ZKSCAN8: variants seen among roughly 807,000 people sequenced by gnomAD.
ZKSCAN8 encodes zinc finger with KRAB and SCAN domains 8, also known as zinc finger protein with KRAB and SCAN domains 8.
ZKSCAN8 carries 27 observed loss-of-function variants against 57.2 expected under a neutral mutation model. The observed-to-expected ratio is 0.47, with a 90% CI of 0.35 to 0.65. The LOEUF is 0.65. Among genes scored for constraint, ZKSCAN8 ranks in the 30% least tolerant of loss-of-function variants. ZKSCAN8 has a pLI of 0.01. For missense variants in ZKSCAN8, 597 were observed against 696.3 expected, an observed-to-expected ratio of 0.86 and a Z score of 1.60; for synonymous variants, 214 against 248.7, an observed-to-expected ratio of 0.86 and a Z score of 1.31.
intron 1 of ZKSCAN8, among the ~76,000 whole-genome samples, chr6:28,142,988 C>T (rs1035850652): frequency 4.6e-5 from 7 of 152,144 alleles, no homozygotes; most frequent in African/African-American, 1.4e-4. Context: ...AGAATACATT[C>T]CTTCCACAAC....
intron 1 of ZKSCAN8, among the ~76,000 whole-genome samples, chr6:28,145,395 T>C (rs1367963571): frequency 6.6e-6 from 1 of 152,172 alleles, no homozygotes. Context: ...AAAGTAGATA[T>C]AGCCAGCCAG....
At chr6:28,148,917 G>A in intron 2 of ZKSCAN8, 93 bp downstream of exon 2, 7 of 1,397,284 alleles carry the variant, frequency 5.0e-6, no homozygotes, top group Non-Finnish European at 6.8e-6. Flanking sequence ...CAGATGCTTA[G>A]CATCAGTTTC....
upstream of ZKSCAN8, chr6:28,141,866 G>A (rs1234141144): frequency 1.3e-5 from 2 of 152,670 alleles, no homozygotes; most frequent in African/African-American, 2.4e-5. Flanking sequence ...TTTGGGGCAA[G>A]ATGCGTGCTG....
In ZKSCAN8 at chr6:28,153,986, G is replaced by A; in HGVS notation, c.1706G>A (p.Ser569Asn). ...SSLIRHQRIHSGEKSESISV is the reference protein window; with the variant it reads ...SSLIRHQRIHNGEKSESISV ...CTCATTCGACATCAGAGAATCCACA[G>A]TGGTGAAAAATCTGAATCCATAAGC... is the stretch of plus-strand genomic sequence containing the variant. Residue 569 changes from serine (S) to asparagine (N), a missense_variant, in exon 6 of 6, where the codon AGT becomes AAT. Physicochemically the swap from Ser to Asn is conservative, Grantham distance 46 (BLOSUM62 1). Transcript: ENST00000330236. 1.2e-5 allele frequency: 20 copies of A among 1,605,560 alleles called. No homozygotes were observed. The highest frequency in any genetic ancestry group is 1.6e-5 in the Non-Finnish European group (19 of 1,176,732).
At position 28,148,969 on chromosome 6, in the gene ZKSCAN8, G is replaced by A. The variant is rs565864043; in HGVS notation, c.417+145G>A. The A allele has an allele frequency of 5.9e-4, 572 of 968,062 alleles. 3 individuals carry two copies. The African/African-American group carries it at 8.7e-3, about 15-fold the overall frequency. The allele number at this position is 968,062 out of a possible 1,614,324, so 60.0% of individuals were successfully genotyped here. On this transcript the variant is annotated intron_variant, in intron 2 of 5. Transcript: ENST00000330236. ...CAATAGTTTTAGTGTAGTATGACTT[G>A]TAGAGTTCTTTTTACTTTTGTAAAG...
chr6:28,141,702 C>A (rs1352942676), upstream of ZKSCAN8, among the ~76,000 whole-genome samples: 2 of 152,260 alleles, frequency 1.3e-5, no homozygotes, highest in Non-Finnish European at 2.9e-5. Flanking sequence ...ACGTTCACTG[C>A]CCCAGCGACA....
At position 28,157,639 on chromosome 6, in the gene ZKSCAN8, A is replaced by T. The variant is rs1362798081; in HGVS notation, c.*3622A>T. The T allele has an allele frequency of 3.3e-5, 5 of 152,162 alleles. No individual in the cohort carries two copies. The highest frequency in any genetic ancestry group is 3.3e-4 in the Admixed American group (5 of 15,270). The allele number at this position is 152,162 out of a possible 1,614,324, so 9.4% of individuals were successfully genotyped here. ...GTGCAGTAGAGTGCAAATACATTAC[A>T]ATTACTGGAAAATTGGTGGAAAATG... On this transcript the variant is annotated 3_prime_UTR_variant, in exon 6 of 6. Coordinates refer to ENST00000330236, the MANE Select transcript of ZKSCAN8 (RefSeq NM_006298.4).
chr6:28,153,036 T>G lies in ZKSCAN8; in HGVS notation c.776-20T>G, dbSNP rs200435293. On this transcript the variant is annotated intron_variant, in intron 5 of 5. Transcript: ENST00000330236. Reference sequence around the variant, plus strand: ...GTTGTGACATTGGCTTGATGTTTGTTTATTACATTTTTATTTCAGGTGGTG... The same window carrying G: ...GTTGTGACATTGGCTTGATGTTTGTGTATTACATTTTTATTTCAGGTGGTG... 930 of 1,611,208 alleles carry G rather than the reference T, an allele frequency of 5.8e-4. No individual in the cohort carries two copies. The highest frequency in any genetic ancestry group is 1.0e-3 in the Admixed American group (61 of 59,776).
At chr6:28,147,069 T>A (rs1765423210) in intron 1 of ZKSCAN8, among the ~76,000 whole-genome samples, 1 of 152,048 alleles carries the variant, frequency 6.6e-6, no homozygotes, top group African/African-American at 2.4e-5. Context: ...TGAACTTTTT[T>A]TCTTCAAAAG....
intron 3 of ZKSCAN8, among the ~76,000 whole-genome samples, chr6:28,150,302 G>A (rs956771984): frequency 1.8e-4 from 28 of 152,106 alleles, no homozygotes; most frequent in African/African-American, 6.0e-4. Context: ...TTGGATTTGC[G>A]TGATGTTTGA....
Position 28,144,185 on chromosome 6 carries a change from A to G in ZKSCAN8, c.-93+2156A>G, listed in dbSNP as rs148164325. On this transcript the variant is annotated intron_variant, in intron 1 of 5. Coordinates refer to ENST00000330236, the MANE Select transcript of ZKSCAN8 (RefSeq NM_006298.4). This position sits in a 1 kb window ranked among gnomAD's most constrained non-coding sequence, Gnocchi z 4.5. ...CCTTTCTTTTCTGTACACACTCTCT[A>G]TGTAGGATTTGTTTGTATGTTTGTT... 2.0e-5 allele frequency: 3 copies of G among 152,112 alleles called. No individual in the cohort carries two copies. The highest frequency in any genetic ancestry group is 1.9e-4 in the East Asian group (1 of 5,186). The allele number at this position is 152,112 out of a possible 1,614,324, so 9.4% of individuals were successfully genotyped here. A position where few individuals can be genotyped will look rare whatever the true frequency, so the allele number is the denominator to read the frequency against.
chr6:28,157,683 A>G lies in ZKSCAN8; in HGVS notation c.*3666A>G, dbSNP rs1422702722. Reference sequence around the variant, plus strand: ...GAAAATGCTTTTTGGGGTTACAATTATATCATTTTTAAGTGTTGATGCTTT... The same window carrying G: ...GAAAATGCTTTTTGGGGTTACAATTGTATCATTTTTAAGTGTTGATGCTTT... On this transcript the variant is annotated 3_prime_UTR_variant, in exon 6 of 6. Coordinates refer to ENST00000330236, the MANE Select transcript of ZKSCAN8 (RefSeq NM_006298.4). 1 of 152,238 alleles carries G rather than the reference A, an allele frequency of 6.6e-6. No homozygotes were observed. The highest frequency in any genetic ancestry group is 1.5e-5 in the Non-Finnish European group (1 of 68,042). The allele number at this position is 152,238 out of a possible 1,614,324, so 9.4% of individuals were successfully genotyped here.
chr6:28,142,569 A>G (rs997962905), intron 1 of ZKSCAN8, among the ~76,000 whole-genome samples: 2 of 151,924 alleles, frequency 1.3e-5, no homozygotes, highest in African/African-American at 4.8e-5. Context: ...TCAGAATTCA[A>G]CATTATCAGA....
rs1765825757 is a variant in ZKSCAN8 at position 28,157,601 on chromosome 6, T to A, written c.*3584T>A. 1 of 152,142 alleles carries A rather than the reference T, an allele frequency of 6.6e-6. No homozygotes were observed. The highest frequency in any genetic ancestry group is 2.4e-5 in the African/African-American group (1 of 41,424). The allele number at this position is 152,142 out of a possible 1,614,324, so 9.4% of individuals were successfully genotyped here. A position where few individuals can be genotyped will look rare whatever the true frequency, so the allele number is the denominator to read the frequency against. The stretch of plus-strand genomic sequence containing the variant: ...ATGTAGCGCTTGTCATGAGAGGTAC[T>A]GGGGAAAAGAATGTGCAGTAGAGTG... On this transcript the variant is annotated 3_prime_UTR_variant, in exon 6 of 6. Transcript: ENST00000330236.
chr6:28,152,606 T>C (rs1765627664), intron 5 of ZKSCAN8, among the ~76,000 whole-genome samples: 1 of 152,224 alleles, frequency 6.6e-6, no homozygotes, highest in Non-Finnish European at 1.5e-5. Context: ...TTTTGCCAGT[T>C]GGAAATTGAC....
chr6:28,148,085 C>T (rs1156495862), intron 1 of ZKSCAN8, among the ~76,000 whole-genome samples: 3 of 152,076 alleles, frequency 2.0e-5, no homozygotes, highest in Non-Finnish European at 4.4e-5. Flanking sequence ...GTTCCACATC[C>T]CCAAACAGGG....
Position 28,153,365 on chromosome 6 carries a change from G to T in ZKSCAN8, c.1085G>T (p.Arg362Met). Residue 362 changes from arginine (R) to methionine (M), a missense_variant, in exon 6 of 6, where the codon AGG (arginine) becomes ATG (methionine). Physicochemically the swap from Arg to Met is moderately conservative, Grantham distance 91. Transcript: ENST00000330236. ...GTGTGTGGTAAAGCCTTCAGTTACA[G>T]GTCAGCCCTTCTTTCACATCAGGAT... ...CNVCGKAFSY[R>M]SALLSHQDIH... 2.5e-6 allele frequency: 4 copies of T among 1,613,640 alleles called. No homozygotes were observed. Among genetic ancestry groups the T allele is most frequent in the Non-Finnish European group, 3.4e-6 (4 of 1,179,882 alleles).
In ZKSCAN8 at chr6:28,141,954, C is replaced by A. The variant is rs1765229344; in HGVS notation, c.-168C>A. The A allele has an allele frequency of 6.6e-6, 1 of 152,470 alleles. No individual in the cohort carries two copies. The highest frequency in any genetic ancestry group is 1.5e-5 in the Non-Finnish European group (1 of 68,210). The allele number at this position is 152,470 out of a possible 1,614,324, so 9.4% of individuals were successfully genotyped here. ...CCGAGTACAGCTTTCATCGCCTTTACTCCCCGACCTTCCTTCGAGTCTGTT... is the reference window on the plus strand; with the variant it reads ...CCGAGTACAGCTTTCATCGCCTTTAATCCCCGACCTTCCTTCGAGTCTGTT... On this transcript the variant is annotated 5_prime_UTR_variant, in exon 1 of 6. Transcript: ENST00000330236.
At position 28,154,113 on chromosome 6, in the gene ZKSCAN8, C is replaced by T. The variant is rs1765703409; in HGVS notation, c.*96C>T. The T allele has an allele frequency of 3.4e-6, 5 of 1,484,738 alleles. No homozygotes were observed. In the South Asian group the frequency reaches 5.6e-5, roughly 17 times the overall value. The allele number at this position is 1,484,738 out of a possible 1,614,324, so 92.0% of individuals were successfully genotyped here. ...GTGTACTAAAAGGCAGAAAGGTCAT[C>T]ACAACTTTAGTGTCAGAATCTATAG... is the stretch of plus-strand genomic sequence containing the variant. On this transcript the variant is annotated 3_prime_UTR_variant, in exon 6 of 6. Transcript: ENST00000330236.
Sources: gnomAD v4.1 joint callset for allele counts (sites outside exome capture counted in the v4.1 genomes callset) on GRCh38, gnomAD v4.1.1 for gene constraint, Gnocchi (gnomAD v3.1) non-coding constraint, MANE v1.5 for transcripts, NCBI Gene and HGNC (gene_info 2026-07-23, HGNC 2026-07-21) for gene names.